Variants in MYH10 observed in about 807,000 individuals in gnomAD.
MYH10 encodes myosin heavy chain 10, also known as myosin-10.
MYH10 carries 55 observed loss-of-function variants against 257.8 expected under a neutral mutation model. That is an observed-to-expected ratio of 0.21 (90% CI 0.17 to 0.27). The LOEUF (loss-of-function observed/expected upper bound fraction) is 0.27. Among genes scored for constraint, MYH10 ranks in the 10% least tolerant of loss-of-function variants. The probability of loss-of-function intolerance (pLI) is 1.00; values close to 1 mark genes in which losing one functional copy is unlikely to be tolerated. For synonymous variants in MYH10, 854 were observed against 921.7 expected (o/e 0.93, Z 1.33); for missense variants, 1,631 against 2,500.6 (o/e 0.65, Z 7.42).
At chr17:8,497,832 T>G (rs1916892885) in intron 30 of MYH10, among the ~76,000 whole-genome samples, 5 of 151,142 alleles carry the variant, frequency 3.3e-5, no homozygotes. Context: ...GGTTATTTCC[T>G]AAAAACATGA....
At chr17:8,496,717 AAC>A (rs562056624) in intron 30 of MYH10, among the ~76,000 whole-genome samples, 89 of 152,342 alleles carry the variant, frequency 5.8e-4, no homozygotes, top group African/African-American at 2.1e-3. Context: ...CCTACACGTT[AAC>A]ACAGCAGGCC....
chr17:8,495,902 G>T (rs1248543778), intron 30 of MYH10, among the ~76,000 whole-genome samples: 1 of 151,932 alleles, frequency 6.6e-6, no homozygotes, highest in Non-Finnish European at 1.5e-5. Context: ...GTAGAGACGG[G>T]GTTTCACCAT....
chr17:8,542,036 C>G, intron 14 of MYH10, 71 bp downstream of exon 14: 1 of 1,457,032 alleles, frequency 6.9e-7, no homozygotes, highest in Non-Finnish European at 9.3e-7. Context: ...TAATTTCTGT[C>G]TTGGGTTATG....
In MYH10 at chr17:8,490,471, C is replaced by G. The variant is rs755655536; in HGVS notation, c.4753G>C (p.Glu1585Gln). 1 of 1,614,072 alleles carries G rather than the reference C, an allele frequency of 6.2e-7. No individual in the cohort carries two copies. The highest frequency in any genetic ancestry group is 1.7e-5 in the Admixed American group (1 of 60,008). ...MRTQLEELED[E>Q]LQATEDAKLR... is the part of the protein sequence containing the mutation. The stretch of plus-strand genomic sequence containing the variant: ...TTGGCATCTTCCGTGGCCTGGAGTT[C>G]GTCTTCCAGCTCCTCCAGCTGGGTC... Residue 1585 changes from glutamate (E) to glutamine (Q), a missense_variant, in exon 35 of 43, where the codon GAA becomes CAA. Transcript: ENST00000360416. This position sits in a 1 kb window ranked among gnomAD's most constrained non-coding sequence, Gnocchi z 4.1.
intron 4 of MYH10, among the ~76,000 whole-genome samples, chr17:8,585,519 A>C (rs879579254): frequency 3.3e-5 from 5 of 151,818 alleles, no homozygotes; most frequent in Non-Finnish European, 7.4e-5. Context: ...TGGATCCTCA[A>C]AGGCACCATG....
intron 7 of MYH10, among the ~76,000 whole-genome samples, chr17:8,556,374 C>T (rs2082797563): frequency 6.6e-6 from 1 of 152,182 alleles, no homozygotes; most frequent in African/African-American, 2.4e-5. Flanking sequence ...CCAATGTCCA[C>T]CAACTGGTGA....
intron 7 of MYH10, among the ~76,000 whole-genome samples, chr17:8,558,018 C>T (rs2082864673): frequency 6.6e-6 from 1 of 152,198 alleles, no homozygotes; most frequent in African/African-American, 2.4e-5. Context: ...GGCTGCTTGA[C>T]TATCAGTGGT....
intron 23 of MYH10, 115 bp from the exon 24 acceptor site, chr17:8,512,772 T>C: frequency 1.3e-6 from 1 of 782,664 alleles, no homozygotes; most frequent in Non-Finnish European, 1.9e-6. Context: ...TAAAAATATA[T>C]AACATCACGG....
intron 2 of MYH10, among the ~76,000 whole-genome samples, chr17:8,619,405 C>T (rs184787695): frequency 6.3e-4 from 96 of 152,200 alleles, no homozygotes; most frequent in Non-Finnish European, 3.5e-4. Context: ...GTAAAAAGGG[C>T]CGATGACATA....
intron 13 of MYH10, 64 bp from the exon 14 acceptor site, chr17:8,542,344 T>C: frequency 6.9e-7 from 1 of 1,447,450 alleles, no homozygotes; most frequent in East Asian, 2.3e-5. Flanking sequence ...GAATAATTAG[T>C]TATGTAGTTA....
chr17:8,609,674 G>T (rs2084951198), intron 2 of MYH10, among the ~76,000 whole-genome samples: 1 of 152,088 alleles, frequency 6.6e-6, no homozygotes, highest in African/African-American at 2.4e-5. Flanking sequence ...CCACAGTGGA[G>T]AAAATAAAGG....
intron 4 of MYH10, among the ~76,000 whole-genome samples, chr17:8,581,447 G>A (rs1021949789): frequency 2.0e-5 from 3 of 151,912 alleles, no homozygotes; most frequent in Admixed American, 6.6e-5. Context: ...CCAGCTAACC[G>A]CCTCAATGGA....
chr17:8,528,213 C>T (rs1204677571), intron 17 of MYH10, among the ~76,000 whole-genome samples: 3 of 152,138 alleles, frequency 2.0e-5, no homozygotes, highest in Admixed American at 6.6e-5. Flanking sequence ...TTAGTGAAAA[C>T]GATACATAAT....
rs1224848042 is a variant in MYH10, at chr17:8,476,602, G to A, written c.5879+274C>T. On this transcript the variant is annotated intron_variant, in intron 42 of 42. Transcript: ENST00000360416. ...AGGCTGGGAGCTCACTTCACTAATGGATATCTGGACAGGGATGGATGCCTG... is the reference window on the plus strand; with the variant it reads ...AGGCTGGGAGCTCACTTCACTAATGAATATCTGGACAGGGATGGATGCCTG... 3.3e-5 allele frequency among the ~76,000 whole-genome samples: 5 copies of A among 152,296 alleles called. No individual in the cohort carries two copies. In the East Asian group the frequency reaches 9.6e-4, roughly 29 times the overall value.
At chr17:8,534,933 G>T (rs1440939092) in intron 16 of MYH10, among the ~76,000 whole-genome samples, 1 of 152,212 alleles carries the variant, frequency 6.6e-6, no homozygotes, top group Non-Finnish European at 1.5e-5. Flanking sequence ...AAGAGCAATT[G>T]ATCTGTATGC....
chr17:8,476,681 T>C (rs1464560541), intron 42 of MYH10, among the ~76,000 whole-genome samples, 195 bp downstream of exon 42: 1 of 152,162 alleles, frequency 6.6e-6, no homozygotes. Context: ...TGACTGGCAA[T>C]GAATAGGGCC....
chr17:8,571,325 C>T (rs2083334665), intron 6 of MYH10, among the ~76,000 whole-genome samples: 1 of 151,596 alleles, frequency 6.6e-6, no homozygotes, highest in South Asian at 2.1e-4. Context: ...CAGGCACCCG[C>T]CACCATGCCC....
intron 40 of MYH10, among the ~76,000 whole-genome samples, chr17:8,479,606 T>C (rs1913319510): frequency 6.6e-6 from 1 of 152,196 alleles, no homozygotes; most frequent in Non-Finnish European, 1.5e-5. Flanking sequence ...AATCTGAAGG[T>C]CTGCCCTGGC....
intron 7 of MYH10, among the ~76,000 whole-genome samples, chr17:8,558,499 CA>C (rs900234317): frequency 4.0e-5 from 6 of 151,750 alleles, no homozygotes; most frequent in Non-Finnish European, 8.8e-5. Flanking sequence ...AAAAAACAAA[CA>C]AAAAAAAGCA....
Sources: allele counts gnomAD v4.1 joint callset (sites outside exome capture counted in the v4.1 genomes callset), GRCh38; gene constraint gnomAD v4.1.1; non-coding constraint Gnocchi (gnomAD v3.1); transcripts MANE v1.5; gene names NCBI Gene and HGNC (gene_info 2026-07-23, HGNC 2026-07-21).